Variants in OTOGL observed in about 807,000 individuals in gnomAD.
The protein encoded by OTOGL is otogelin-like protein.
A neutral mutation model predicts 318.5 loss-of-function variants in OTOGL; 285 were observed. That is an observed-to-expected ratio of 0.89 (90% CI 0.81 to 0.99). OTOGL has a LOEUF of 0.99. Among genes scored for constraint, OTOGL ranks in the 50% least tolerant of loss-of-function variants. The probability of loss-of-function intolerance (pLI) is 0.00; values close to 1 mark genes in which losing one functional copy is unlikely to be tolerated. For missense variants in OTOGL, 2,899 were observed against 2,845.6 expected, an observed-to-expected ratio of 1.02 and a Z score of -0.43; for synonymous variants, 987 against 936.5, an observed-to-expected ratio of 1.05 and a Z score of -0.99.
intron 1 of OTOGL, among the ~76,000 whole-genome samples, chr12:80,192,645 C>T (rs1875775049): frequency 6.6e-6 from 1 of 152,198 alleles, no homozygotes; most frequent in African/African-American, 2.4e-5. Context: ...ATAAAAATAG[C>T]ATGCTCTCTT....
intron 1 of OTOGL, among the ~76,000 whole-genome samples, chr12:80,197,620 A>T (rs1876168774): frequency 6.6e-6 from 1 of 152,214 alleles, no homozygotes; most frequent in South Asian, 2.1e-4. Flanking sequence ...TCTGCTACCG[A>T]GGTGATTCTT....
chr12:80,328,739 G>A lies in OTOGL; in HGVS notation c.4274G>A (p.Arg1425Gln), dbSNP rs374659070. ...GTCACCCTCAAGTGTGTTTATCCAC[G>A]AGACTGTAAGTGTGAACGTTGCTTA... ...DEVTLKCVYP[R>Q]DCIPVIPTEP... The change falls in exon 36 of 59, where the codon CGA becomes CAA. Residue 1425 changes from arginine to glutamine, a missense_variant. Transcript: ENST00000547103. The A allele has an allele frequency of 1.1e-5, 18 of 1,592,508 alleles. No individual in the cohort carries two copies. The highest frequency in any genetic ancestry group is 2.7e-5 in the African/African-American group (2 of 74,344).
Position 80,157,118 on chromosome 12 carries a change from T to G in OTOGL, c.-19-52295T>G, listed in dbSNP as rs576347191. Among the ~76,000 whole-genome samples, 130 of 152,274 alleles carry G rather than the reference T, an allele frequency of 8.5e-4. 1 individual carries two copies. The highest frequency in any genetic ancestry group is 3.4e-3 in the Middle Eastern group (1 of 294). On this transcript the variant is annotated intron_variant, in intron 1 of 58. Transcript: ENST00000547103. ...CCAGCATTTGTTATTGCTTGTTTTT[T>G]GGATATAAGCCATTTAATTGAGGTG...
chr12:80,339,377 T>A (rs1408104376), intron 43 of OTOGL, 113 bp downstream of exon 43: 5 of 878,378 alleles, frequency 5.7e-6, no homozygotes, highest in Non-Finnish European at 8.6e-6. Flanking sequence ...AGATTTGAGA[T>A]GTGATATTAA....
intron 32 of OTOGL, among the ~76,000 whole-genome samples, chr12:80,317,875 G>A (rs1019162457): frequency 2.6e-5 from 4 of 152,068 alleles, no homozygotes; most frequent in Non-Finnish European, 4.4e-5. Context: ...CTTGATGTGG[G>A]GGCAAAGCTG....
intron 1 of OTOGL, among the ~76,000 whole-genome samples, chr12:80,119,322 G>A (rs191606505): frequency 1.8e-4 from 28 of 152,332 alleles, no homozygotes; most frequent in African/African-American, 6.3e-4. Flanking sequence ...GTCAGAAGCA[G>A]TCAATAGTTC....
At chr12:80,347,304 C>A (rs763711443) in intron 44 of OTOGL, among the ~76,000 whole-genome samples, 1 of 152,040 alleles carries the variant, frequency 6.6e-6, no homozygotes, top group Non-Finnish European at 1.5e-5. Context: ...CCTAGTCCCC[C>A]ACCCCCCGAC....
At chr12:80,329,421 C>T (rs1414360493) in intron 37 of OTOGL, among the ~76,000 whole-genome samples, 1 of 152,176 alleles carries the variant, frequency 6.6e-6, no homozygotes, top group African/African-American at 2.4e-5. Context: ...TGGTCCACCT[C>T]GTTCTTCATT....
intron 1 of OTOGL, among the ~76,000 whole-genome samples, chr12:80,108,145 G>C: frequency 6.6e-6 from 1 of 152,090 alleles, no homozygotes; most frequent in Non-Finnish European, 1.5e-5. Flanking sequence ...ATATCAGGAA[G>C]TTGGCAAATA....
At chr12:80,171,733 C>T (rs7952967) in intron 1 of OTOGL, among the ~76,000 whole-genome samples, 24,660 of 152,054 alleles carry the variant, frequency 0.16, 3,739 homozygotes, top group African/African-American at 0.4. Flanking sequence ...ATTAAATCTA[C>T]AGATCAATTT....
chr12:80,318,625 C>A lies in OTOGL; in HGVS notation c.3714C>A (p.Ser1238Arg). The A allele has an allele frequency of 6.8e-7, 1 of 1,470,636 alleles. No homozygotes were observed. The highest frequency in any genetic ancestry group is 9.0e-7 in the Non-Finnish European group (1 of 1,109,304). The allele number at this position is 1,470,636 out of a possible 1,614,324, so 91.1% of individuals were successfully genotyped here. A position where few individuals can be genotyped will look rare whatever the true frequency, so the allele number is the denominator to read the frequency against. Residue 1238 changes from serine (S) to arginine (R), a missense_variant, in exon 33 of 59, where the codon AGC (serine) becomes AGA (arginine). Coordinates refer to ENST00000547103, the MANE Select transcript of OTOGL (RefSeq NM_001378609.3). The stretch of plus-strand genomic sequence containing the variant: ...TGGGGGCCAATATGACCAGCAGAAG[C>A]GTTTTCTGTTTGCCGAGAAGCAGTG... ...LVLGANMTSR[S>R]VFCLPRSSVH... is the part of the protein sequence containing the mutation.
At chr12:80,211,403 A>T (rs901274008) in intron 3 of OTOGL, among the ~76,000 whole-genome samples, 1 of 152,200 alleles carries the variant, frequency 6.6e-6, no homozygotes, top group African/African-American at 2.4e-5. Context: ...TAAAAATAAA[A>T]TGTTTATTGA....
chr12:80,110,604 A>G (rs1335667465), intron 1 of OTOGL, among the ~76,000 whole-genome samples: 1 of 152,188 alleles, frequency 6.6e-6, no homozygotes, highest in African/African-American at 2.4e-5. Context: ...ATGGCTGCAT[A>G]GTATTCCATG....
intron 13 of OTOGL, 110 bp downstream of exon 13, chr12:80,252,311 C>T (rs1202511110): frequency 8.4e-7 from 1 of 1,192,102 alleles, no homozygotes; most frequent in African/African-American, 1.6e-5. Flanking sequence ...GGACCTATTG[C>T]AATTTTCTGT....
Position 80,310,595 on chromosome 12 carries a change from T to C in OTOGL, c.3334-16T>C. On this transcript the variant is annotated splice_polypyrimidine_tract_variant and intron_variant, in intron 29 of 58. Transcript: ENST00000547103. Reference sequence around the variant, plus strand: ...CCCTTTGAAAACTTCTTTTCTCTCTTAAATTTTTTCAACAGTGTGAAAGTC... The same window carrying C: ...CCCTTTGAAAACTTCTTTTCTCTCTCAAATTTTTTCAACAGTGTGAAAGTC... The C allele has an allele frequency of 6.5e-7, 1 of 1,536,902 alleles. No individual in the cohort carries two copies. Among genetic ancestry groups the C allele is most frequent in the Non-Finnish European group, 8.9e-7 (1 of 1,126,928 alleles).
intron 1 of OTOGL, among the ~76,000 whole-genome samples, chr12:80,205,482 G>A (rs1420001836): frequency 4.6e-5 from 7 of 152,164 alleles, no homozygotes; most frequent in Non-Finnish European, 1.0e-4. Flanking sequence ...CTCAGAAAAG[G>A]TAAGATAGAT....
chr12:80,104,834 C>G (rs1168991133), intron 1 of OTOGL, among the ~76,000 whole-genome samples: 1 of 152,082 alleles, frequency 6.6e-6, no homozygotes, highest in Admixed American at 6.6e-5. Flanking sequence ...GTGGCTCATG[C>G]CTGTAATCAC....
intron 1 of OTOGL, among the ~76,000 whole-genome samples, chr12:80,127,277 A>G (rs1391034307): frequency 1.3e-5 from 2 of 152,040 alleles, no homozygotes; most frequent in Non-Finnish European, 2.9e-5. Context: ...TCTGTAAAGT[A>G]TTTTATTTCT....
At chr12:80,259,808 A>G (rs1344697591) in intron 18 of OTOGL, among the ~76,000 whole-genome samples, 1 of 152,102 alleles carries the variant, frequency 6.6e-6, no homozygotes, top group Non-Finnish European at 1.5e-5. Flanking sequence ...TATTGTAAAT[A>G]GTGCTGTAAT....
Sources: allele counts gnomAD v4.1 joint callset (sites outside exome capture counted in the v4.1 genomes callset), GRCh38; gene constraint gnomAD v4.1.1; transcripts MANE v1.5; gene names NCBI Gene and HGNC (gene_info 2026-07-23, HGNC 2026-07-21).